The following PAXIP1 variants were observed in gnomAD, a reference collection of about 807,000 sequenced individuals.
PAXIP1 encodes PAX-interacting protein 1.
PAXIP1 carries 19 observed loss-of-function variants against 140.6 expected under a neutral mutation model. The ratio of observed to expected loss-of-function variants is 0.14; its 90% CI spans 0.09 to 0.20. The LOEUF is 0.20. Among genes scored for constraint, PAXIP1 ranks in the 10% least tolerant of loss-of-function variants. PAXIP1 has a pLI of 1.00. For synonymous variants in PAXIP1, 442 were observed against 444.6 expected, an observed-to-expected ratio of 0.99 and a Z score of 0.07; for missense variants, 920 against 1,208.6, an observed-to-expected ratio of 0.76 and a Z score of 3.54.
intron 2 of PAXIP1, among the ~76,000 whole-genome samples, chr7:154,994,477 T>TACCC (rs1810483124): frequency 6.6e-6 from 1 of 152,128 alleles, no homozygotes; most frequent in Non-Finnish European, 1.5e-5. Flanking sequence ...ATATACTCAC[T>TACCC]ACCCACCCAT....
chr7:154,996,180 G>T (rs1053959215), intron 2 of PAXIP1, among the ~76,000 whole-genome samples: 1 of 151,980 alleles, frequency 6.6e-6, no homozygotes, highest in Non-Finnish European at 1.5e-5. Context: ...GGCCCATAAG[G>T]TTCAAACTAA....
Position 154,946,280 on chromosome 7 carries a change from A to C in PAXIP1, c.3194+85T>G, listed in dbSNP as rs1166394273. On this transcript the variant is annotated intron_variant, in intron 20 of 20. Transcript: ENST00000404141. This position sits in a 1 kb window ranked among gnomAD's most constrained non-coding sequence, Gnocchi z 4.9. ...AAAGAAAGGAAAAATGGCTTGCAAA[A>C]CAGGAAAGGTACTGCCTTATTAACC... 1.3e-6 allele frequency: 2 copies of C among 1,588,834 alleles called. No individual in the cohort carries two copies. Among genetic ancestry groups the C allele is most frequent in the Non-Finnish European group, 1.7e-6 (2 of 1,166,170 alleles).
chr7:154,962,345 T>C lies in PAXIP1; in HGVS notation c.2103A>G (p.Pro701=). 2 of 1,613,924 alleles carry C rather than the reference T, an allele frequency of 1.2e-6. No individual in the cohort carries two copies. The highest frequency in any genetic ancestry group is 1.7e-6 in the Non-Finnish European group (2 of 1,179,838). The change falls in exon 10 of 21, where the codon CCA becomes CCG. Residue 701 remains proline, a synonymous_variant. Transcript: ENST00000404141. The part of the protein sequence containing the change: ...RALHFPVAFP[P]GGKPCSQHII... ...CATGCTGTGAACATGGCTTTCCTCC[T>C]GGTGGGAAGGCCACTGGGAAGTGAA...
chr7:154,977,983 A>C (rs1348021396), intron 5 of PAXIP1, among the ~76,000 whole-genome samples: 1 of 148,654 alleles, frequency 6.7e-6, no homozygotes, highest in Non-Finnish European at 1.5e-5. Context: ...TTTCGAACGC[A>C]GACCAAATTA....
chr7:154,978,177 A>T (rs1809688519), intron 5 of PAXIP1, among the ~76,000 whole-genome samples: 1 of 152,174 alleles, frequency 6.6e-6, no homozygotes, highest in African/African-American at 2.4e-5. Flanking sequence ...CCCTATTCAG[A>T]TCTCCCCAGT....
At chr7:154,948,048 A>C (rs2150737696) in intron 16 of PAXIP1, 45 bp from the exon 17 acceptor site, 1 of 1,286,662 alleles carries the variant, frequency 7.8e-7, no homozygotes, top group East Asian at 2.3e-5. Flanking sequence ...TGGACACGTG[A>C]AGTGTGGCAA....
chr7:154,957,719 G>A (rs6959556), intron 13 of PAXIP1, among the ~76,000 whole-genome samples: 76,185 of 151,756 alleles, frequency 0.5, 20,390 homozygotes, highest in Middle Eastern at 0.63. Flanking sequence ...TGTAATCCCA[G>A]CACTTTGGGA....
intron 5 of PAXIP1, among the ~76,000 whole-genome samples, chr7:154,977,644 G>A (rs1809646036): frequency 6.6e-6 from 1 of 152,170 alleles, no homozygotes; most frequent in African/African-American, 2.4e-5. Flanking sequence ...CCATGAATAA[G>A]AAGCTAAGCA....
intron 5 of PAXIP1, among the ~76,000 whole-genome samples, chr7:154,979,592 T>G (rs1426932303): frequency 6.6e-6 from 1 of 151,632 alleles, no homozygotes; most frequent in East Asian, 1.9e-4. Context: ...TTGTGGTTAT[T>G]GAGTTACATA....
At chr7:154,999,604 T>TA (rs1443449986) in intron 1 of PAXIP1, among the ~76,000 whole-genome samples, 1 of 152,058 alleles carries the variant, frequency 6.6e-6, no homozygotes, top group African/African-American at 2.4e-5. Flanking sequence ...CTGGAAGGGG[T>TA]ATAAGCAAAA....
chr7:155,002,661 C>G (rs1425573033), intron 1 of PAXIP1, among the ~76,000 whole-genome samples, 188 bp downstream of exon 1: 1 of 151,498 alleles, frequency 6.6e-6, no homozygotes, highest in Non-Finnish European at 1.5e-5. Flanking sequence ...CGCACTCCCC[C>G]GGGCCCGGGC....
rs1808520002 is a variant in PAXIP1, at chr7:154,956,553, G to A, written c.2549+671C>T. ...CTATGCCTTTCTAATTAAATGATTGGAAGGACTTCATTATTGACTCCTGCT... is the reference window on the plus strand; with the variant it reads ...CTATGCCTTTCTAATTAAATGATTGAAAGGACTTCATTATTGACTCCTGCT... On this transcript the variant is annotated intron_variant, in intron 14 of 20. Transcript: ENST00000404141. The surrounding 1 kb of genome is among the most constrained non-coding windows in gnomAD (Gnocchi z 4.2). 6.6e-6 allele frequency: 1 copy of A among 152,210 alleles called. No homozygotes were observed. The allele number at this position is 152,210 out of a possible 1,614,324, so 9.4% of individuals were successfully genotyped here. A position where few individuals can be genotyped will look rare whatever the true frequency, so the allele number is the denominator to read the frequency against.
chr7:154,971,254 C>A (rs1737404855), intron 6 of PAXIP1, among the ~76,000 whole-genome samples: 2 of 152,222 alleles, frequency 1.3e-5, no homozygotes, highest in Non-Finnish European at 2.9e-5. Context: ...TCATCCACTG[C>A]TGACCCAGCC....
At chr7:154,979,529 T>G (rs1042573533) in intron 5 of PAXIP1, among the ~76,000 whole-genome samples, 7 of 152,198 alleles carry the variant, frequency 4.6e-5, no homozygotes, top group African/African-American at 1.4e-4. Flanking sequence ...TACAATAATT[T>G]AAAGGAATGA....
chr7:154,981,665 A>T (rs1319533808), intron 5 of PAXIP1, among the ~76,000 whole-genome samples: 1 of 152,148 alleles, frequency 6.6e-6, no homozygotes, highest in African/African-American at 2.4e-5. Flanking sequence ...TTGTTGTCTT[A>T]TTCACAAGCA....
rs76538831 is a variant in PAXIP1, at chr7:154,988,985, T to C, written c.324+2021A>G. Among the ~76,000 whole-genome samples the C allele has an allele frequency of 7.4e-3, 1,133 of 152,348 alleles. 8 individuals carry two copies. The highest frequency in any genetic ancestry group is 0.034 in the Middle Eastern group (10 of 294). ...ACCATAGCACCCAGCATTTCTTTTC[T>C]CATTTTAGCCAACTTTAAAGATCAT... On this transcript the variant is annotated intron_variant, in intron 4 of 20. Coordinates refer to ENST00000404141, the MANE Select transcript of PAXIP1 (RefSeq NM_007349.4).
rs1808870297 is a variant in PAXIP1, at chr7:154,963,684, C to T, written c.1976G>A (p.Ser659Asn). The T allele has an allele frequency of 6.2e-7, 1 of 1,612,852 alleles. No individual in the cohort carries two copies. Among genetic ancestry groups the T allele is most frequent in the East Asian group, 2.2e-5 (1 of 44,866 alleles). ...THLLCESQVS[S>N]AYAQAIRERK... ...TATTTTCCTTACCTGTGCATACGCGCTGCTGACTTGACTCTCACAGAGAAG... is the reference window on the plus strand; with the variant it reads ...TATTTTCCTTACCTGTGCATACGCGTTGCTGACTTGACTCTCACAGAGAAG... Residue 659 changes from serine (S) to asparagine (N), a missense_variant, in exon 9 of 21, where the codon AGC (serine) becomes AAC (asparagine). Physicochemically the swap from Ser to Asn is conservative, Grantham distance 46 (BLOSUM62 1). Transcript: ENST00000404141. This position sits in a 1 kb window ranked among gnomAD's most constrained non-coding sequence, Gnocchi z 4.1.
At chr7:154,948,390 T>A (rs1347972779) in intron 16 of PAXIP1, 1 of 189,756 alleles carries the variant, frequency 5.3e-6, no homozygotes, top group Non-Finnish European at 1.1e-5. Flanking sequence ...TACAGAAAAA[T>A]TTTAAAATCA....
At chr7:154,949,357 G>C (rs939319524) in intron 16 of PAXIP1, 4 of 152,090 alleles carry the variant, frequency 2.6e-5, no homozygotes, top group Non-Finnish European at 5.9e-5. Flanking sequence ...AGAAATGCAG[G>C]GATCTGTTCA....
Sources: gnomAD v4.1 joint callset for allele counts (sites outside exome capture counted in the v4.1 genomes callset) on GRCh38, gnomAD v4.1.1 for gene constraint, Gnocchi (gnomAD v3.1) non-coding constraint, MANE v1.5 for transcripts, NCBI Gene and HGNC (gene_info 2026-07-23, HGNC 2026-07-21) for gene names.